RUNX1: variants seen among roughly 807,000 people sequenced by gnomAD.
RUNX1 encodes RUNX family transcription factor 1.
Under a neutral mutation model 42.8 loss-of-function variants are expected in RUNX1, and 19 were observed. That is an observed-to-expected ratio of 0.44 (90% CI 0.31 to 0.65). The LOEUF (loss-of-function observed/expected upper bound fraction) is 0.65, where lower values mean the gene tolerates loss of function less well. RUNX1 is among the 30% of genes least tolerant of loss of function. RUNX1 has a pLI of 0.07. For missense variants in RUNX1, 528 were observed against 672.0 expected, an observed-to-expected ratio of 0.79 and a Z score of 2.37; for synonymous variants, 271 against 289.4, an observed-to-expected ratio of 0.94 and a Z score of 0.64.
At chr21:34,821,241 C>A in intron 7 of RUNX1, 1 of 1,050,016 alleles carries the variant, frequency 9.5e-7, no homozygotes, top group Non-Finnish European at 1.2e-6. Context: ...ACTGGTGATA[C>A]AACAATGCCG....
At chr21:34,994,483 T>C (rs1449550595) in intron 2 of RUNX1, among the ~76,000 whole-genome samples, 3 of 152,134 alleles carry the variant, frequency 2.0e-5, no homozygotes, top group African/African-American at 7.2e-5. Context: ...GTGATTATTG[T>C]ATATTGCATG....
At chr21:34,821,389 TACAC>T in intron 7 of RUNX1, 2 of 1,266,212 alleles carry the variant, frequency 1.6e-6, no homozygotes, top group Non-Finnish European at 1.0e-6. Context: ...GATTAATAAA[TACAC>T]ACAATGCTTC....
intron 2 of RUNX1, among the ~76,000 whole-genome samples, chr21:35,003,953 C>T (rs1275973289): frequency 3.3e-5 from 5 of 152,220 alleles, no homozygotes; most frequent in Non-Finnish European, 7.3e-5. Context: ...ATTTACCTTC[C>T]AATTCTACTT....
At chr21:35,018,723 C>T (rs1040726535) in intron 2 of RUNX1, among the ~76,000 whole-genome samples, 8 of 152,102 alleles carry the variant, frequency 5.3e-5, no homozygotes, top group African/African-American at 1.9e-4. Context: ...GTGCCCCTTC[C>T]TCTACGCAGT....
chr21:35,016,465 C>T lies in RUNX1; in HGVS notation c.58+32377G>A, dbSNP rs560715835. Among the ~76,000 whole-genome samples the T allele has an allele frequency of 3.1e-4, 47 of 152,276 alleles. 1 individual carries two copies. The South Asian group carries it at 5.0e-3, about 16-fold the overall frequency. Reference sequence around the variant, plus strand: ...ATTGGAGTTTGTTTTGCCCACCATACGCCAGCTGCAGAAGTAATTGGAGAT... The same window carrying T: ...ATTGGAGTTTGTTTTGCCCACCATATGCCAGCTGCAGAAGTAATTGGAGAT... On this transcript the variant is annotated intron_variant, in intron 2 of 8. Coordinates refer to ENST00000675419, the MANE Select transcript of RUNX1 (RefSeq NM_001754.5).
At chr21:34,804,112 G>T (rs528314008) in intron 7 of RUNX1, among the ~76,000 whole-genome samples, 1 of 152,330 alleles carries the variant, frequency 6.6e-6, no homozygotes, top group South Asian at 2.1e-4. Context: ...TCATAGTGAG[G>T]TCTGCTTGCT....
rs3833348 is a variant in RUNX1, at chr21:34,887,242, T to TGGGGG, written c.98-151_98-147dup. The TGGGGG allele has an allele frequency of 2.1e-4, 63 of 299,344 alleles. 1 individual carries two copies. The highest frequency in any genetic ancestry group is 1.1e-3 in the Admixed American group (5 of 4,422). The allele number at this position is 299,344 out of a possible 1,614,324, so 18.5% of individuals were successfully genotyped here. A position where few individuals can be genotyped will look rare whatever the true frequency, so the allele number is the denominator to read the frequency against. On this transcript the variant is annotated intron_variant, in intron 3 of 8. Transcript: ENST00000675419. ...CAGGGGCCTTTATTACTGCGGGGGGTGGGGGGGGGCGGGGGTGGTTAGGGG... is the reference window on the plus strand; with the variant it reads ...CAGGGGCCTTTATTACTGCGGGGGGTGGGGGGGGGGGGGGCGGGGGTGGTTAGGGG...
intron 4 of RUNX1, among the ~76,000 whole-genome samples, chr21:34,886,229 G>T (rs780684665): frequency 3.9e-5 from 6 of 152,144 alleles, no homozygotes; most frequent in Non-Finnish European, 8.8e-5. Flanking sequence ...CGATACTTGC[G>T]GCTTCTGGCA....
intron 2 of RUNX1, among the ~76,000 whole-genome samples, chr21:34,923,518 T>C (rs1158583061): frequency 6.6e-6 from 1 of 152,236 alleles, no homozygotes; most frequent in East Asian, 1.9e-4. Flanking sequence ...TTATAGTTGT[T>C]ACTTAAAAAA....
Position 34,967,350 on chromosome 21 carries a change from AAAG to A in RUNX1, c.59-74390_59-74388del, listed in dbSNP as rs1407062198. On this transcript the variant is annotated intron_variant, in intron 2 of 8. Coordinates refer to ENST00000675419, the MANE Select transcript of RUNX1 (RefSeq NM_001754.5). ...AAAAAAAAAAAAAAAAAAAAAAAAA[AAAG>A]AAGAATAGCGTTTTCCCATTGAGCT... Among the ~76,000 whole-genome samples the A allele has an allele frequency of 1.4e-4, 20 of 143,152 alleles. 1 individual carries two copies. The highest frequency in any genetic ancestry group is 4.2e-4 in the African/African-American group (16 of 38,312). The allele number at this position is 143,152 out of a possible 152,430, so 93.9% of individuals were successfully genotyped here.
At position 34,966,052 on chromosome 21, in the gene RUNX1, G is replaced by A. The variant is rs2058716200; in HGVS notation, c.59-73089C>T. Among the ~76,000 whole-genome samples the A allele has an allele frequency of 2.0e-5, 3 of 152,228 alleles. No individual in the cohort carries two copies. The South Asian group carries it at 6.2e-4, about 32-fold the overall frequency. On this transcript the variant is annotated intron_variant, in intron 2 of 8. Coordinates refer to ENST00000675419, the MANE Select transcript of RUNX1 (RefSeq NM_001754.5). ...GTCCCCAGGAGAAAGGCACATTGGT[G>A]AGGTCTCACATTCAGTTACATAGTG...
chr21:34,820,187 C>G (rs928743), intron 7 of RUNX1, among the ~76,000 whole-genome samples: 123,405 of 152,040 alleles, frequency 0.81, 51,602 homozygotes, highest in East Asian at 1. Context: ...GGGGTGCCGG[C>G]TGGGGCTGCG....
At chr21:35,032,824 AATCCCAGTT>A (rs1235149819) in intron 2 of RUNX1, among the ~76,000 whole-genome samples, 1 of 152,198 alleles carries the variant, frequency 6.6e-6, no homozygotes, top group African/African-American at 2.4e-5. Context: ...TTTGGGTGGA[AATCCCAGTT>A]ACTTACTTCC....
rs111754054 is a variant in RUNX1 at position 34,803,352 on chromosome 21, C to T, written c.806-3890G>A. On this transcript the variant is annotated intron_variant, in intron 7 of 8. Coordinates refer to ENST00000675419, the MANE Select transcript of RUNX1 (RefSeq NM_001754.5). Reference sequence around the variant, plus strand: ...CATGAGGTTAGGAGATCGAGACCATCCTCGCTAACACGGTGAAACCCTGTC... The same window carrying T: ...CATGAGGTTAGGAGATCGAGACCATTCTCGCTAACACGGTGAAACCCTGTC... Among the ~76,000 whole-genome samples, 88 of 152,124 alleles carry T rather than the reference C, an allele frequency of 5.8e-4. 1 individual carries two copies. In the Middle Eastern group the frequency reaches 0.01, roughly 18 times the overall value.
chr21:34,872,362 T>C (rs747840151), intron 5 of RUNX1, among the ~76,000 whole-genome samples: 2 of 152,162 alleles, frequency 1.3e-5, no homozygotes, highest in Non-Finnish European at 1.5e-5. Context: ...GCTGCCCTGC[T>C]GTGTGTACCA....
chr21:35,019,320 T>C (rs1323189765), intron 2 of RUNX1, among the ~76,000 whole-genome samples: 1 of 152,212 alleles, frequency 6.6e-6, no homozygotes, highest in Non-Finnish European at 1.5e-5. Context: ...CTTCTAGCCT[T>C]CCAGTCGTCT....
At chr21:34,875,801 A>G (rs2057805612) in intron 5 of RUNX1, among the ~76,000 whole-genome samples, 1 of 152,118 alleles carries the variant, frequency 6.6e-6, no homozygotes, top group Admixed American at 6.5e-5. Flanking sequence ...CCCTAAATGT[A>G]CCTTCCCTTC....
chr21:34,881,995 T>C (rs2057912147), intron 4 of RUNX1, among the ~76,000 whole-genome samples: 1 of 152,244 alleles, frequency 6.6e-6, no homozygotes, highest in Non-Finnish European at 1.5e-5. Context: ...ATATTACTCA[T>C]TCCAATTACA....
intron 2 of RUNX1, among the ~76,000 whole-genome samples, chr21:35,005,359 C>G (rs1212922153): frequency 6.6e-6 from 1 of 152,132 alleles, no homozygotes; most frequent in East Asian, 1.9e-4. Flanking sequence ...CCTCTTCTGT[C>G]CTCTAAAGCA....
Sources: gnomAD v4.1 joint callset for allele counts (sites outside exome capture counted in the v4.1 genomes callset) on GRCh38, gnomAD v4.1.1 for gene constraint, MANE v1.5 for transcripts, NCBI Gene and HGNC (gene_info 2026-07-23, HGNC 2026-07-21) for gene names.